MMS22L: variants seen among roughly 807,000 people sequenced by gnomAD.
MMS22L encodes protein MMS22-like.
In MMS22L, 74 loss-of-function variants were observed where a neutral mutation model predicts 159.1. The ratio of observed to expected loss-of-function variants is 0.47; its 90% CI spans 0.39 to 0.56. MMS22L has a LOEUF of 0.56. Among genes scored for constraint, MMS22L ranks in the 20% least tolerant of loss-of-function variants. The pLI, the probability that MMS22L is intolerant of heterozygous loss-of-function variation, is 0.00. For missense variants in MMS22L, 1,351 were observed against 1,422.1 expected (o/e 0.95, Z 0.80); for synonymous variants, 517 against 506.9 (o/e 1.02, Z -0.27).
At chr6:97,235,529 A>G (rs982440021) in intron 11 of MMS22L, among the ~76,000 whole-genome samples, 1 of 152,212 alleles carries the variant, frequency 6.6e-6, no homozygotes, top group Non-Finnish European at 1.5e-5. Context: ...TGAAGTAAAA[A>G]GGAAACCAGG....
Position 97,229,161 on chromosome 6 carries a change from A to T in MMS22L, c.1772T>A (p.Leu591Ter). ...YAQKNLDIGV[L>*]AEKFSCAFRE... ...GAAAGCACATGAAAATTTCTCAGCC[A>T]AAACACCAATGTCCAGATTTTTCTG... Residue 591 changes from leucine to a stop codon, truncating the protein, a stop_gained, in exon 14 of 25, where the codon TTG becomes TAG. Coordinates refer to ENST00000683635, the MANE Select transcript of MMS22L (RefSeq NM_001350599.2). LOFTEE classifies it high-confidence loss of function. 6.2e-7 allele frequency: 1 copy of T among 1,614,162 alleles called. No individual in the cohort carries two copies. The highest frequency in any genetic ancestry group is 1.3e-5 in the African/African-American group (1 of 75,040).
At chr6:97,221,676 A>T (rs1157602835) in intron 14 of MMS22L, among the ~76,000 whole-genome samples, 1 of 152,074 alleles carries the variant, frequency 6.6e-6, no homozygotes. Context: ...GAAGGAACGA[A>T]AAAAGGCAAT....
At chr6:97,216,353 C>T (rs920055169) in intron 14 of MMS22L, among the ~76,000 whole-genome samples, 1 of 151,862 alleles carries the variant, frequency 6.6e-6, no homozygotes, top group Non-Finnish European at 1.5e-5. Flanking sequence ...GTTTCCTTCC[C>T]TCACTGTCAT....
chr6:97,220,352 G>A (rs1289384405), intron 14 of MMS22L, among the ~76,000 whole-genome samples: 1 of 152,144 alleles, frequency 6.6e-6, no homozygotes, highest in Non-Finnish European at 1.5e-5. Flanking sequence ...GTCTATTAGA[G>A]TGTCACTAAA....
At chr6:97,282,848 C>T (rs1816892500) in intron 1 of MMS22L, 1 of 167,254 alleles carries the variant, frequency 6.0e-6, no homozygotes, top group African/African-American at 2.4e-5. Flanking sequence ...GAACTGCGCC[C>T]TCCGCAACGT....
chr6:97,148,005 T>A (rs1800993824), intron 24 of MMS22L, among the ~76,000 whole-genome samples: 1 of 152,208 alleles, frequency 6.6e-6, no homozygotes, highest in Non-Finnish European at 1.5e-5. Context: ...CACATGCATA[T>A]GATTATAGTC....
At chr6:97,279,206 G>A (rs1270092918) in intron 3 of MMS22L, among the ~76,000 whole-genome samples, 4 of 152,294 alleles carry the variant, frequency 2.6e-5, no homozygotes, top group African/African-American at 7.2e-5. Context: ...GTTTACGGCC[G>A]GGTGTGGTGG....
intron 3 of MMS22L, 149 bp from the exon 4 acceptor site, chr6:97,279,047 T>A (rs1433799765): frequency 3.2e-6 from 2 of 626,374 alleles, no homozygotes; most frequent in African/African-American, 3.7e-5. Context: ...AATTAAAGGA[T>A]CAGCTTCAGG....
At chr6:97,242,516 A>G (rs1388827746) in intron 11 of MMS22L, among the ~76,000 whole-genome samples, 1 of 152,180 alleles carries the variant, frequency 6.6e-6, no homozygotes, top group Non-Finnish European at 1.5e-5. Flanking sequence ...GACAGCAGAT[A>G]CTTGGTTGGT....
intron 23 of MMS22L, 76 bp downstream of exon 23, chr6:97,151,695 T>C: frequency 7.2e-6 from 8 of 1,106,224 alleles, no homozygotes; most frequent in Non-Finnish European, 9.7e-6. Flanking sequence ...TTTGGATAAT[T>C]AGTTATTTAA....
chr6:97,263,375 A>G lies in MMS22L; in HGVS notation c.902T>C (p.Ile301Thr), dbSNP rs1303533713. 1 of 1,594,388 alleles carries G rather than the reference A, an allele frequency of 6.3e-7. No homozygotes were observed. The highest frequency in any genetic ancestry group is 8.5e-7 in the Non-Finnish European group (1 of 1,173,768). The change falls in exon 9 of 25, where the codon ATT (isoleucine) becomes ACT (threonine). Residue 301 changes from isoleucine to threonine, a missense_variant. By Grantham distance (89) the Ile-to-Thr change is moderately conservative. Transcript: ENST00000683635. ...TTTACTTCTGTGGTCTAGAAGATGA[A>G]TAAGTAGAACCCATAATTCTTTAAT... ...LCIKELWVLL[I>T]HLLDHRSKWF...
chr6:97,277,208 T>C (rs1296266176), intron 4 of MMS22L, among the ~76,000 whole-genome samples: 1 of 151,532 alleles, frequency 6.6e-6, no homozygotes, highest in African/African-American at 2.4e-5. Flanking sequence ...AGGTCAGGAG[T>C]TCGACACCAG....
intron 12 of MMS22L, among the ~76,000 whole-genome samples, chr6:97,232,056 T>A (rs569022994): frequency 6.6e-6 from 1 of 152,172 alleles, no homozygotes; most frequent in African/African-American, 2.4e-5. Context: ...ATGGCTCTAG[T>A]GTTACTTAAT....
At chr6:97,277,894 A>T (rs919732106) in intron 4 of MMS22L, among the ~76,000 whole-genome samples, 23 of 152,196 alleles carry the variant, frequency 1.5e-4, no homozygotes, top group Non-Finnish European at 3.2e-4. Context: ...TGTTCCAGGT[A>T]GTCTTTGGTT....
At chr6:97,231,688 T>C (rs751205204) in intron 12 of MMS22L, 36 bp from the exon 13 acceptor site, 29 of 1,413,718 alleles carry the variant, frequency 2.1e-5, no homozygotes, top group East Asian at 1.9e-4. Flanking sequence ...AAAACAATTA[T>C]TAGTCTCTTA....
chr6:97,233,487 C>G lies in MMS22L; in HGVS notation c.1302+374G>C, dbSNP rs112358427. 7.3e-3 allele frequency among the ~76,000 whole-genome samples: 1,106 copies of G among 152,288 alleles called. 16 individuals carry two copies. The highest frequency in any genetic ancestry group is 0.025 in the African/African-American group (1,033 of 41,572). Reference sequence around the variant, plus strand: ...CCCACAATGTATGTATACCCACCCACTAGTAGCCTATAAGCTACTCAAATG... The same window carrying G: ...CCCACAATGTATGTATACCCACCCAGTAGTAGCCTATAAGCTACTCAAATG... On this transcript the variant is annotated intron_variant, in intron 12 of 24. Coordinates refer to ENST00000683635, the MANE Select transcript of MMS22L (RefSeq NM_001350599.2).
intron 22 of MMS22L, among the ~76,000 whole-genome samples, chr6:97,156,714 T>C (rs573223914): frequency 6.6e-6 from 1 of 152,318 alleles, no homozygotes; most frequent in African/African-American, 2.4e-5. Flanking sequence ...TTGATTACTG[T>C]AGCCTTCTAG....
Position 97,194,387 on chromosome 6 carries a change from C to T in MMS22L, c.2040-7697G>A, listed in dbSNP as rs1399635866. On this transcript the variant is annotated intron_variant, in intron 14 of 24. Transcript: ENST00000683635. ...CTACATTTCTACCAGGCAGATGCTG[C>T]TATCCTATGGTGCACCATGCTGTGG... Among the ~76,000 whole-genome samples the T allele has an allele frequency of 2.0e-5, 3 of 152,116 alleles. No homozygotes were observed. In the East Asian group the frequency reaches 5.8e-4, roughly 29 times the overall value.
chr6:97,200,748 G>A (rs17057507), intron 14 of MMS22L, among the ~76,000 whole-genome samples: 2,121 of 152,190 alleles, frequency 0.014, 54 homozygotes, highest in African/African-American at 0.049. Context: ...CAGTGCTATA[G>A]GAGCAGATAT....
Sources: gnomAD v4.1 joint callset for allele counts (sites outside exome capture counted in the v4.1 genomes callset) on GRCh38, gnomAD v4.1.1 for gene constraint, MANE v1.5 for transcripts, NCBI Gene and HGNC (gene_info 2026-07-23, HGNC 2026-07-21) for gene names.